Variants in HAPSTR1 observed in about 807,000 individuals in gnomAD.
The protein encoded by HAPSTR1 is HUWE1-associated protein modifying stress responses 1.
At chr16:9,097,481 C>T in the HAPSTR1 span, among the ~76,000 whole-genome samples, 2,644 of 152,256 alleles carry the variant, frequency 0.017, 79 homozygotes, top group African/African-American at 0.06. Context: ...AGGCGATCCA[C>T]CTGCCTCAGC....
At chr16:9,091,740 G>T in the HAPSTR1 span, 1 of 399,150 alleles carries the variant, frequency 2.5e-6, no homozygotes, top group Non-Finnish European at 4.4e-6. Context: ...GCAGCGCCAT[G>T]GGGGGGCGTT....
At chr16:9,116,879 C>G in the HAPSTR1 span, 1 of 1,614,186 alleles carries the variant, frequency 6.2e-7, no homozygotes. Context: ...TCATTACAGA[C>G]TCACCAACCC....
chr16:9,098,019 A>G, the HAPSTR1 span, among the ~76,000 whole-genome samples: 1 of 152,218 alleles, frequency 6.6e-6, no homozygotes, highest in Non-Finnish European at 1.5e-5. Context: ...CAGGCAGGCA[A>G]CAAACAGTGG....
the HAPSTR1 span, chr16:9,116,650 C>T: frequency 6.2e-7 from 1 of 1,606,222 alleles, no homozygotes; most frequent in Non-Finnish European, 8.5e-7. Context: ...ACTCTAAAAC[C>T]TTTTTTCTTC....
the HAPSTR1 span, chr16:9,106,265 G>A: frequency 6.6e-6 from 1 of 151,632 alleles, no homozygotes; most frequent in Non-Finnish European, 1.5e-5. Context: ...AAAAAGTAAG[G>A]CATATCAATT....
At chr16:9,111,908 T>G in the HAPSTR1 span, 50 of 19,018 alleles carry the variant, frequency 2.6e-3, no homozygotes, top group African/African-American at 0.069. Context: ...GCATATATGA[T>G]TACTGTATCT....
At chr16:9,093,103 C>A in the HAPSTR1 span, 1 of 1,189,326 alleles carries the variant, frequency 8.4e-7, no homozygotes, top group East Asian at 2.5e-5. Context: ...AGCCCAGCTG[C>A]TAACCTTGAA....
the HAPSTR1 span, chr16:9,117,937 C>T: frequency 6.6e-6 from 1 of 152,582 alleles, no homozygotes; most frequent in African/African-American, 2.4e-5. Context: ...AATAGCAAAA[C>T]CCAACTCTCC....
At chr16:9,107,728 C>T in the HAPSTR1 span, 1 of 152,310 alleles carries the variant, frequency 6.6e-6, no homozygotes, top group Non-Finnish European at 1.5e-5. Flanking sequence ...GTGTTCATAC[C>T]TCACTTCTGT....
chr16:9,117,736 A>G, the HAPSTR1 span: 3 of 152,580 alleles, frequency 2.0e-5, no homozygotes, highest in Non-Finnish European at 4.4e-5. Context: ...AGAGGTCATG[A>G]ACTTTGAGAA....
At chr16:9,113,422 CATGGA>C in the HAPSTR1 span, among the ~76,000 whole-genome samples, 3 of 152,118 alleles carry the variant, frequency 2.0e-5, no homozygotes, top group African/African-American at 4.8e-5. Flanking sequence ...TCTTCTTTTT[CATGGA>C]GAATGGCAGC....
chr16:9,102,144 GA>G, the HAPSTR1 span, among the ~76,000 whole-genome samples: 2 of 152,166 alleles, frequency 1.3e-5, no homozygotes, highest in Non-Finnish European at 2.9e-5. Flanking sequence ...TCAAAGCCGG[GA>G]AAAGTAATAG....
chr16:9,113,363 C>T, the HAPSTR1 span, among the ~76,000 whole-genome samples: 10 of 152,230 alleles, frequency 6.6e-5, no homozygotes, highest in East Asian at 1.5e-3. Context: ...AAGATGATTT[C>T]CCAGAAGCTG....
chr16:9,094,260 GGT>G, the HAPSTR1 span, among the ~76,000 whole-genome samples: 5 of 152,052 alleles, frequency 3.3e-5, no homozygotes, highest in African/African-American at 9.7e-5. Flanking sequence ...AGGGAAACAT[GGT>G]TAAATAGTGC....
chr16:9,115,236 T>A, the HAPSTR1 span, among the ~76,000 whole-genome samples: 1 of 152,220 alleles, frequency 6.6e-6, no homozygotes, highest in Non-Finnish European at 1.5e-5. Context: ...CAGAGACTTT[T>A]CAACTTAAAA....
At chr16:9,099,869 T>C in the HAPSTR1 span, among the ~76,000 whole-genome samples, 14 of 152,324 alleles carry the variant, frequency 9.2e-5, no homozygotes, top group African/African-American at 3.4e-4. Flanking sequence ...GCTCAAGTTA[T>C]GAGAAAGGTT....
At chr16:9,118,459 G>A in the HAPSTR1 span, 1 of 152,650 alleles carries the variant, frequency 6.6e-6, no homozygotes, top group Non-Finnish European at 1.5e-5. Context: ...TGGGTGGGAT[G>A]TGAATGGAAT....
chr16:9,106,299 T>G, the HAPSTR1 span: 2 of 151,736 alleles, frequency 1.3e-5, no homozygotes, highest in Admixed American at 6.6e-5. Context: ...TAGGTTTTTT[T>G]TTTTTTTTTT....
the HAPSTR1 span, among the ~76,000 whole-genome samples, chr16:9,094,775 A>AAGGGG: frequency 6.6e-6 from 1 of 152,162 alleles, no homozygotes; most frequent in East Asian, 1.9e-4. Flanking sequence ...TTTGTGCTTG[A>AAGGGG]AGGGGAAGGC....
Sources: gnomAD v4.1 joint callset for allele counts (sites outside exome capture counted in the v4.1 genomes callset) on GRCh38, gnomAD v4.1.1 for gene constraint, MANE v1.5 for transcripts, NCBI Gene and HGNC (gene_info 2026-07-23, HGNC 2026-07-21) for gene names.